The following LRP1B variants were observed in gnomAD, a reference collection of about 807,000 sequenced individuals.
LRP1B encodes the protein LDL receptor related protein 1B.
Under a neutral mutation model 556.6 loss-of-function variants are expected in LRP1B, and 217 were observed. The observed-to-expected ratio is 0.39, with a 90% CI of 0.35 to 0.44. LRP1B has a LOEUF of 0.44. Ranked by LOEUF, LRP1B falls within the 20% of genes least tolerant of loss-of-function variation. The pLI, the probability that LRP1B is intolerant of heterozygous loss-of-function variation, is 1.00. For synonymous variants in LRP1B, 2,047 were observed against 1,865.8 expected, an observed-to-expected ratio of 1.10 and a Z score of -2.50; for missense variants, 5,053 against 5,620.8, an observed-to-expected ratio of 0.90 and a Z score of 3.23.
chr2:140,377,370 C>G (rs185604140), intron 68 of LRP1B, among the ~76,000 whole-genome samples: 3 of 152,002 alleles, frequency 2.0e-5, no homozygotes, highest in Admixed American at 1.3e-4. Context: ...CCACCATGCC[C>G]GGCTAGAGCT....
chr2:140,706,711 G>T (rs76093296), intron 37 of LRP1B, among the ~76,000 whole-genome samples: 4 of 152,198 alleles, frequency 2.6e-5, no homozygotes, highest in Non-Finnish European at 5.9e-5. Flanking sequence ...GCACTGGAGC[G>T]CCCAAAGGCC....
chr2:140,799,779 T>G (rs1690442083), intron 32 of LRP1B, among the ~76,000 whole-genome samples: 1 of 151,978 alleles, frequency 6.6e-6, no homozygotes, highest in East Asian at 1.9e-4. Context: ...GACGAAGAGG[T>G]TCCAAGATGG....
chr2:140,567,627 A>C (rs6430924), intron 43 of LRP1B, among the ~76,000 whole-genome samples: 150,498 of 152,216 alleles, frequency 0.99, 74,424 homozygotes, highest in Middle Eastern at 1. Flanking sequence ...CCAGGTGCCA[A>C]AGTAGGTTCA....
chr2:141,480,703 C>T (rs151284062), intron 2 of LRP1B, among the ~76,000 whole-genome samples, 170 bp from the exon 3 acceptor site: 75 of 152,230 alleles, frequency 4.9e-4, no homozygotes, highest in African/African-American at 1.6e-3. Context: ...TGATTAAACA[C>T]CTAATTTTTA....
chr2:141,864,848 C>G (rs1698355654), intron 1 of LRP1B, among the ~76,000 whole-genome samples: 1 of 152,106 alleles, frequency 6.6e-6, no homozygotes, highest in Non-Finnish European at 1.5e-5. Flanking sequence ...CGCCACTGCA[C>G]TCCAGCCTGG....
chr2:141,841,063 A>C (rs1401704154), intron 1 of LRP1B, among the ~76,000 whole-genome samples: 1 of 152,150 alleles, frequency 6.6e-6, no homozygotes, highest in Non-Finnish European at 1.5e-5. Flanking sequence ...AAAGTAGCTT[A>C]GCAGTCTCTC....
chr2:141,309,752 T>C (rs1686739328), intron 3 of LRP1B, among the ~76,000 whole-genome samples: 1 of 151,954 alleles, frequency 6.6e-6, no homozygotes, highest in Non-Finnish European at 1.5e-5. Flanking sequence ...GGAGGATGGG[T>C]CAATAGGTGC....
chr2:141,608,147 C>G (rs540894094), intron 2 of LRP1B, among the ~76,000 whole-genome samples: 3 of 152,158 alleles, frequency 2.0e-5, no homozygotes, highest in East Asian at 3.9e-4. Flanking sequence ...TCGCTTGAAC[C>G]CGGGAGGTGG....
At chr2:140,720,441 G>T (rs1417801586) in intron 35 of LRP1B, among the ~76,000 whole-genome samples, 1 of 151,796 alleles carries the variant, frequency 6.6e-6, no homozygotes, top group Non-Finnish European at 1.5e-5. Context: ...TAGGGAAATC[G>T]GCAGCCAGCT....
At chr2:141,707,708 G>A (rs991456792) in intron 2 of LRP1B, among the ~76,000 whole-genome samples, 2 of 152,174 alleles carry the variant, frequency 1.3e-5, no homozygotes, top group African/African-American at 2.4e-5. Context: ...GAAATAAACT[G>A]ACTGTGCAGT....
chr2:141,275,574 G>A (rs952234961), intron 3 of LRP1B, among the ~76,000 whole-genome samples: 1 of 152,122 alleles, frequency 6.6e-6, no homozygotes, highest in African/African-American at 2.4e-5. Context: ...GCTGGGCATG[G>A]TGGTGCATGT....
chr2:141,330,574 A>G (rs1220383717), intron 3 of LRP1B, among the ~76,000 whole-genome samples: 1 of 152,166 alleles, frequency 6.6e-6, no homozygotes, highest in Non-Finnish European at 1.5e-5. Context: ...TCCAGATAAC[A>G]TATTTTTGAA....
chr2:140,369,031 G>A (rs1175155434), intron 71 of LRP1B, among the ~76,000 whole-genome samples: 1 of 151,862 alleles, frequency 6.6e-6, no homozygotes, highest in East Asian at 1.9e-4. Flanking sequence ...CTCTTTTTCA[G>A]TCATTAAGAT....
At chr2:141,608,983 T>A (rs1688014933) in intron 2 of LRP1B, among the ~76,000 whole-genome samples, 1 of 152,218 alleles carries the variant, frequency 6.6e-6, no homozygotes, top group African/African-American at 2.4e-5. Flanking sequence ...CTAAGTTGGA[T>A]AGCACTTCTT....
chr2:141,721,049 TC>T (rs1558827561), intron 2 of LRP1B, among the ~76,000 whole-genome samples: 1 of 152,128 alleles, frequency 6.6e-6, no homozygotes, highest in African/African-American at 2.4e-5. Flanking sequence ...TCATAGAATT[TC>T]CCTCTGATAA....
At position 140,803,535 on chromosome 2, in the gene LRP1B, T is replaced by G. The variant is rs559500799; in HGVS notation, c.5359+10122A>C. 1.1e-4 allele frequency among the ~76,000 whole-genome samples: 16 copies of G among 152,148 alleles called. No individual in the cohort carries two copies. The South Asian group carries it at 2.9e-3, about 28-fold the overall frequency. ...GGATGGTCTCCATCTCCTGATCTCG[T>G]GATCCACTCGCCTTGGCCTCCCAAA... On this transcript the variant is annotated intron_variant, in intron 32 of 90. Transcript: ENST00000389484.
At chr2:141,243,997 T>C (rs1030332259) in intron 5 of LRP1B, among the ~76,000 whole-genome samples, 1 of 152,188 alleles carries the variant, frequency 6.6e-6, no homozygotes, top group African/African-American at 2.4e-5. Context: ...TCAATTAACT[T>C]AGATTAATTT....
chr2:140,375,149 C>T (rs891467934), intron 68 of LRP1B, among the ~76,000 whole-genome samples: 4 of 149,804 alleles, frequency 2.7e-5, no homozygotes, highest in African/African-American at 9.9e-5. Flanking sequence ...TTGTTGTGAA[C>T]TCATTGATTT....
chr2:141,446,842 A>G (rs897237976), intron 3 of LRP1B, among the ~76,000 whole-genome samples: 1 of 152,020 alleles, frequency 6.6e-6, no homozygotes, highest in Admixed American at 6.5e-5. Context: ...GCTGCCTTTA[A>G]TGTTTTTTCC....
Sources: allele counts gnomAD v4.1 joint callset (sites outside exome capture counted in the v4.1 genomes callset), GRCh38; gene constraint gnomAD v4.1.1; transcripts MANE v1.5; gene names NCBI Gene and HGNC (gene_info 2026-07-23, HGNC 2026-07-21).